The following AATF variants were observed in gnomAD, a reference collection of about 807,000 sequenced individuals.
The protein encoded by AATF is apoptosis antagonizing transcription factor.
AATF carries 48 observed loss-of-function variants against 63.7 expected under a neutral mutation model. The observed-to-expected ratio is 0.75, with a 90% CI of 0.60 to 0.96. AATF has a LOEUF of 0.96. Ranked by LOEUF, AATF falls within the 40% of genes least tolerant of loss-of-function variation. AATF has a pLI of 0.00. For missense variants in AATF, 639 were observed against 685.7 expected (o/e 0.93, Z 0.76); for synonymous variants, 258 against 247.7 (o/e 1.04, Z -0.39).
Position 36,956,565 on chromosome 17 carries a change from C to T in AATF, c.832+2658C>T, listed in dbSNP as rs148034807. The stretch of plus-strand genomic sequence containing the variant: ...GCAGGTGCCTGTAATCTCAGCTACT[C>T]GGGAGGCTGAGGCAGGAGAATTGCT... On this transcript the variant is annotated intron_variant, in intron 4 of 11. Transcript: ENST00000619387. Among the ~76,000 whole-genome samples, 795 of 151,684 alleles carry T rather than the reference C, an allele frequency of 5.2e-3. 11 individuals are homozygous for T. The highest frequency in any genetic ancestry group is 0.018 in the African/African-American group (756 of 41,326).
intron 2 of AATF, among the ~76,000 whole-genome samples, 160 bp downstream of exon 2, chr17:36,950,565 T>G (rs2070847319): frequency 6.6e-6 from 1 of 152,136 alleles, no homozygotes. Flanking sequence ...GATGGCGCCA[T>G]CTCGGCTCAC....
intron 9 of AATF, 84 bp from the exon 10 acceptor site, chr17:37,020,850 G>A: frequency 5.4e-6 from 6 of 1,102,364 alleles, no homozygotes; most frequent in East Asian, 2.8e-5. Context: ...CTTTCTGCAG[G>A]GTTGTTAGAA....
intron 11 of AATF, among the ~76,000 whole-genome samples, chr17:37,044,246 A>G (rs1597740420): frequency 6.6e-6 from 1 of 152,292 alleles, no homozygotes; most frequent in African/African-American, 2.4e-5. Flanking sequence ...CATATTATGT[A>G]TAGCATCTAC....
chr17:37,023,533 CAG>C (rs1477917487), intron 10 of AATF, among the ~76,000 whole-genome samples: 3 of 147,452 alleles, frequency 2.0e-5, no homozygotes, highest in Admixed American at 1.3e-4. Context: ...TCTTTTTAAA[CAG>C]AGTTTAAAAA....
intron 8 of AATF, among the ~76,000 whole-genome samples, chr17:37,004,279 T>C (rs2071324895): frequency 6.6e-6 from 1 of 151,954 alleles, no homozygotes; most frequent in Non-Finnish European, 1.5e-5. Flanking sequence ...TGCAGTGAGC[T>C]GAGATCGCAC....
At chr17:36,953,343 T>C (rs753347934) in intron 3 of AATF, 47 bp downstream of exon 3, 2 of 1,573,646 alleles carry the variant, frequency 1.3e-6, no homozygotes, top group East Asian at 4.5e-5. Context: ...AGTATCTGCA[T>C]TTGGTCTACT....
At chr17:37,052,436 A>G (rs1597746608) in intron 11 of AATF, 1 of 151,928 alleles carries the variant, frequency 6.6e-6, no homozygotes, top group South Asian at 2.1e-4. Flanking sequence ...TTTTCTTGGG[A>G]TGGGGTAAGG....
intron 2 of AATF, 106 bp downstream of exon 2, chr17:36,950,511 T>A: frequency 1.7e-6 from 2 of 1,184,492 alleles, no homozygotes; most frequent in Non-Finnish European, 2.3e-6. Flanking sequence ...TGCGGATCTT[T>A]TTTTTGAGAC....
At position 36,953,091 on chromosome 17, in the gene AATF, A is replaced by G; in HGVS notation, c.489A>G (p.Gly163=). 8 of 1,614,100 alleles carry G rather than the reference A, an allele frequency of 5.0e-6. No individual in the cohort carries two copies. Among genetic ancestry groups the G allele is most frequent in the Non-Finnish European group, 6.8e-6 (8 of 1,180,030 alleles). ...GTGACTTTGAGAAATTTACCAAGGG[A>G]ATGGATGACCTTGGGAGCAGTGAGG... ...SISDFEKFTK[G]MDDLGSSEEE... Residue 163 remains glycine, a synonymous_variant, in exon 3 of 12, where the codon GGA becomes GGG. Coordinates refer to ENST00000619387, the MANE Select transcript of AATF (RefSeq NM_012138.4).
chr17:37,035,218 C>A (rs2071582007), intron 11 of AATF, among the ~76,000 whole-genome samples: 1 of 151,728 alleles, frequency 6.6e-6, no homozygotes, highest in African/African-American at 2.4e-5. Flanking sequence ...AATGAGATTT[C>A]TTTTTATTAT....
intron 2 of AATF, among the ~76,000 whole-genome samples, chr17:36,951,572 C>T (rs1235786488): frequency 6.6e-6 from 1 of 152,106 alleles, no homozygotes; most frequent in East Asian, 1.9e-4. Context: ...CCCCATTTTA[C>T]AGATAAGGAA....
In AATF at chr17:36,949,130, C is replaced by A; in HGVS notation, c.5C>A (p.Ala2Glu). The A allele has an allele frequency of 6.3e-7, 1 of 1,576,610 alleles. No homozygotes were observed. The highest frequency in any genetic ancestry group is 2.3e-5 in the East Asian group (1 of 43,462). M[A>E]GPQPLALQLE... is the part of the protein sequence containing the mutation. The stretch of plus-strand genomic sequence containing the variant: ...GTGGACCGGGAGCTGGTGACGATGG[C>A]GGGGCCGCAGCCCCTGGCGCTGCAA... Residue 2 changes from alanine (A) to glutamate (E), a missense_variant, in exon 1 of 12, where the codon GCG becomes GAG. Coordinates refer to ENST00000619387, the MANE Select transcript of AATF (RefSeq NM_012138.4).
chr17:37,055,292 AT>A (rs1330861222), intron 11 of AATF: 1 of 152,138 alleles, frequency 6.6e-6, no homozygotes, highest in Non-Finnish European at 1.5e-5. Context: ...GCTAGCTTAC[AT>A]TTGTGGCTTC....
intron 11 of AATF, among the ~76,000 whole-genome samples, chr17:37,037,008 T>TTG (rs926331501): frequency 2.7e-5 from 4 of 147,662 alleles, no homozygotes; most frequent in African/African-American, 1.0e-4. Flanking sequence ...CATCATCTTT[T>TTG]TGTTTTTTTT....
chr17:36,953,842 A>G lies in AATF; in HGVS notation c.767A>G (p.Gln256Arg). The stretch of plus-strand genomic sequence containing the variant: ...CTGTTGACCACCAACCAGCTTCCTC[A>G]ACCAGATGTTTTCCCATTGTTCAAG... Reference protein sequence around the residue: ...KALLTTNQLPQPDVFPLFKDK... With the variant: ...KALLTTNQLPRPDVFPLFKDK... The change falls in exon 4 of 12, where the codon CAA becomes CGA. Residue 256 changes from glutamine to arginine, a missense_variant. By Grantham distance (43) the Gln-to-Arg change is conservative. Transcript: ENST00000619387. The G allele has an allele frequency of 6.2e-7, 1 of 1,614,128 alleles. No individual in the cohort carries two copies. Among genetic ancestry groups the G allele is most frequent in the Non-Finnish European group, 8.5e-7 (1 of 1,180,002 alleles).
intron 8 of AATF, among the ~76,000 whole-genome samples, chr17:37,004,338 G>C (rs548953184): frequency 2.0e-5 from 3 of 152,282 alleles, no homozygotes; most frequent in African/African-American, 7.2e-5. Context: ...AAAAAAAAGA[G>C]AGAGAGTGAG....
At chr17:37,055,797 C>G (rs368048332) in intron 11 of AATF, 130 of 152,364 alleles carry the variant, frequency 8.5e-4, no homozygotes, top group African/African-American at 2.9e-3. Context: ...CTCATGGGTC[C>G]CTCATGTCTC....
intron 5 of AATF, among the ~76,000 whole-genome samples, chr17:36,987,465 T>C (rs1391529568): frequency 2.0e-5 from 3 of 152,218 alleles, no homozygotes; most frequent in African/African-American, 7.2e-5. Flanking sequence ...CCTGAAATTA[T>C]TACATTTGAT....
chr17:37,000,100 T>C (rs1297003463), intron 8 of AATF: 1 of 151,910 alleles, frequency 6.6e-6, no homozygotes, highest in East Asian at 1.9e-4. Flanking sequence ...GTGTTAAGAG[T>C]AGACATGAGA....
Sources: gnomAD v4.1 joint callset for allele counts (sites outside exome capture counted in the v4.1 genomes callset) on GRCh38, gnomAD v4.1.1 for gene constraint, MANE v1.5 for transcripts, NCBI Gene and HGNC (gene_info 2026-07-23, HGNC 2026-07-21) for gene names.